The following SLC39A5 variants were observed in gnomAD, a reference collection of about 807,000 sequenced individuals.
SLC39A5 encodes solute carrier family 39 member 5, also known as zinc transporter ZIP5.
A neutral mutation model predicts 46.9 loss-of-function variants in SLC39A5; 42 were observed. The observed-to-expected ratio is 0.90, with a 90% CI of 0.70 to 1.16. The LOEUF (loss-of-function observed/expected upper bound fraction) is 1.16, where lower values mean the gene tolerates loss of function less well. SLC39A5 is among the 50% of genes most tolerant of loss of function. The pLI, the probability that SLC39A5 is intolerant of heterozygous loss-of-function variation, is 0.00. For synonymous variants in SLC39A5, 311 were observed against 323.1 expected (o/e 0.96, Z 0.40); for missense variants, 677 against 686.8 (o/e 0.99, Z 0.16).
In SLC39A5 at chr12:56,237,737, C is replaced by G; in HGVS notation, c.*6C>G. 6.5e-7 allele frequency: 1 copy of G among 1,534,714 alleles called. No homozygotes were observed. The highest frequency in any genetic ancestry group is 8.8e-7 in the Non-Finnish European group (1 of 1,142,804). On this transcript the variant is annotated 3_prime_UTR_variant, in exon 13 of 13. Coordinates refer to ENST00000454355, the MANE Select transcript of SLC39A5 (RefSeq NM_173596.3). The stretch of plus-strand genomic sequence containing the variant: ...CCGTGACCACTGAGGGCTGATGGGG[C>G]CAGTGGAAAGGGGTCGGGTTGCCCT...
rs771747422 is a variant in SLC39A5 at position 56,236,545 on chromosome 12, T to C, written c.1043-37T>C. 9 of 1,614,106 alleles carry C rather than the reference T, an allele frequency of 5.6e-6. 1 individual carries two copies. The South Asian group carries it at 9.9e-5, about 18-fold the overall frequency. ...AGGTTCCAAGCTCACAGTCCTTACT[T>C]GCAGCCACCAACACTGTCCTGTGCT... On this transcript the variant is annotated intron_variant, in intron 9 of 12. Coordinates refer to ENST00000454355, the MANE Select transcript of SLC39A5 (RefSeq NM_173596.3).
At chr12:56,234,662 T>C (rs996230153) in intron 5 of SLC39A5, among the ~76,000 whole-genome samples, 162 bp from the exon 6 acceptor site, 13 of 152,100 alleles carry the variant, frequency 8.5e-5, no homozygotes, top group African/African-American at 2.2e-4. Flanking sequence ...GGTTTCACTA[T>C]GTTGGCCAGG....
chr12:56,235,246 C>T lies in SLC39A5; in HGVS notation c.724C>T (p.Leu242=). The change falls in exon 7 of 13, where the codon CTA becomes TTA. Residue 242 remains leucine, a synonymous_variant. Coordinates refer to ENST00000454355, the MANE Select transcript of SLC39A5 (RefSeq NM_173596.3). ...LLLRLLGPRL[L]RPLLGFLGAL... The stretch of plus-strand genomic sequence containing the variant: ...GCTGCGGCTCCTGGGACCTCGTCTA[C>T]TACGGCCCTTGCTGGGCTTCCTGGG... 1.3e-6 allele frequency: 2 copies of T among 1,582,478 alleles called. No homozygotes were observed. The highest frequency in any genetic ancestry group is 1.7e-4 in the Middle Eastern group (1 of 5,902).
rs1270482043 is a variant in SLC39A5 at position 56,237,681 on chromosome 12, G to C, written c.1573G>C (p.Ala525Pro). 1 of 1,602,752 alleles carries C rather than the reference G, an allele frequency of 6.2e-7. No individual in the cohort carries two copies. Among genetic ancestry groups the C allele is most frequent in the Non-Finnish European group, 8.5e-7 (1 of 1,175,236 alleles). The change falls in exon 13 of 13, where the codon GCC becomes CCC. Residue 525 changes from alanine (A) to proline (P), a missense_variant. By Grantham distance (27) the Ala-to-Pro change is conservative. Transcript: ENST00000454355. The stretch of plus-strand genomic sequence containing the variant: ...GCTGCTGGGGGGCGGCCTCATGCTT[G>C]CCATAACCCTGCTGGAGGAGCGGCT... ...GLLLGGGLML[A>P]ITLLEERLLP...
rs1870631338 is a variant in SLC39A5 at position 56,235,293 on chromosome 12, T to C, written c.771T>C (p.Leu257=). 5 of 1,544,384 alleles carry C rather than the reference T, an allele frequency of 3.2e-6. No homozygotes were observed. The East Asian group carries it at 9.0e-5, about 28-fold the overall frequency. Residue 257 remains leucine, a synonymous_variant, in exon 7 of 13, where the codon CTT becomes CTC. Coordinates refer to ENST00000454355, the MANE Select transcript of SLC39A5 (RefSeq NM_173596.3). ...GFLGALAVGT[L]CGDALLHLLP... ...TGGGGGCCCTGGCGGTGGGCACTCT[T>C]TGTGGGGATGCACTGCTACATCTGC...
At chr12:56,235,057 A>G in intron 6 of SLC39A5, 71 bp downstream of exon 6, 1 of 1,597,600 alleles carries the variant, frequency 6.3e-7, no homozygotes, top group Non-Finnish European at 8.5e-7. Flanking sequence ...AAGGAGGCTC[A>G]CTGGGGTCCT....
Position 56,235,318 on chromosome 12 carries a change from C to T in SLC39A5, c.796C>T (p.Leu266=). 6.6e-7 allele frequency: 1 copy of T among 1,521,394 alleles called. No homozygotes were observed. The highest frequency in any genetic ancestry group is 8.8e-7 in the Non-Finnish European group (1 of 1,141,602). The allele number at this position is 1,521,394 out of a possible 1,614,324, so 94.2% of individuals were successfully genotyped here. Residue 266 remains leucine, a synonymous_variant, in exon 7 of 13, where the codon CTA becomes TTA. Transcript: ENST00000454355. ...TLCGDALLHL[L]PHAQEGRHAG... Reference sequence around the variant, plus strand: ...TTGTGGGGATGCACTGCTACATCTGCTACCGCATGTATGTGAAGCCCCTTC... The same window carrying T: ...TTGTGGGGATGCACTGCTACATCTGTTACCGCATGTATGTGAAGCCCCTTC...
chr12:56,237,341 G>A lies in SLC39A5; in HGVS notation c.1479+1G>A, dbSNP rs1196142719. On this transcript the variant is annotated splice_donor_variant, in intron 12 of 12. Coordinates refer to ENST00000454355, the MANE Select transcript of SLC39A5 (RefSeq NM_173596.3). LOFTEE classifies it high-confidence loss of function. ...CCTCTATGTGGCCCTTGTGGACATG[G>A]TGAGAGATGTCGGGTAGAGCAGAGA... is the stretch of plus-strand genomic sequence containing the variant. 16 of 1,584,182 alleles carry A rather than the reference G, an allele frequency of 1.0e-5. No homozygotes were observed. The highest frequency in any genetic ancestry group is 1.3e-5 in the Non-Finnish European group (15 of 1,163,882).
intron 10 of SLC39A5, 72 bp from the exon 11 acceptor site, chr12:56,236,859 A>AC (rs1870833462): frequency 6.2e-7 from 1 of 1,600,636 alleles, no homozygotes; most frequent in Non-Finnish European, 8.5e-7. Flanking sequence ...CGGGAGGACC[A>AC]CGGAACACAG....
At chr12:56,232,650 A>T in intron 4 of SLC39A5, 39 bp from the exon 5 acceptor site, 1 of 1,548,336 alleles carries the variant, frequency 6.5e-7, no homozygotes, top group East Asian at 2.5e-5. Flanking sequence ...GTTGATAGAG[A>T]ACACAAGGGA....
Position 56,237,013 on chromosome 12 carries a change from T to G in SLC39A5, c.1288+2T>G. 6.2e-7 allele frequency: 1 copy of G among 1,613,828 alleles called. No homozygotes were observed. Among genetic ancestry groups the G allele is most frequent in the Non-Finnish European group, 8.5e-7 (1 of 1,179,904 alleles). ...GCCATGAGCTGCCCCACGAACTGGG[T>G]AGGAATGGCAGGAGCAGGGTGGGGT... On this transcript the variant is annotated splice_donor_variant, in intron 11 of 12. Transcript: ENST00000454355. LOFTEE classifies it high-confidence loss of function.
rs745695820 is a variant in SLC39A5, at chr12:56,231,353, C to T, written c.79C>T (p.Pro27Ser). 4 of 1,613,884 alleles carry T rather than the reference C, an allele frequency of 2.5e-6. No homozygotes were observed. Among genetic ancestry groups the T allele is most frequent in the Admixed American group, 1.7e-5 (1 of 59,990 alleles). The change falls in exon 4 of 13, where the codon CCC becomes TCC. Residue 27 changes from proline to serine, a missense_variant. Physicochemically the swap from Pro to Ser is moderately conservative, Grantham distance 74. Coordinates refer to ENST00000454355, the MANE Select transcript of SLC39A5 (RefSeq NM_173596.3). The part of the protein sequence containing the change: ...VVLGWVGGSV[P>S]NLGPAEQEQN... The stretch of plus-strand genomic sequence containing the variant: ...CTTGGGCTGGGTAGGGGGCTCAGTC[C>T]CCAACCTGGGCCCTGCTGAGCAGGA...
Position 56,236,721 on chromosome 12 carries a change from C to A in SLC39A5, c.1182C>A (p.His394Gln), listed in dbSNP as rs150978302. Residue 394 changes from histidine (H) to glutamine (Q), a missense_variant, in exon 10 of 13, where the codon CAC becomes CAA. Coordinates refer to ENST00000454355, the MANE Select transcript of SLC39A5 (RefSeq NM_173596.3). Reference sequence around the variant, plus strand: ...TGGTCCTCCTGGGAGATGGTCTACACAACCTCACTGATGGGCTGGCCATAG... The same window carrying A: ...TGGTCCTCCTGGGAGATGGTCTACAAAACCTCACTGATGGGCTGGCCATAG... The part of the protein sequence containing the change: ...TWMVLLGDGL[H>Q]NLTDGLAIGA... 886 of 1,607,056 alleles carry A rather than the reference C, an allele frequency of 5.5e-4. 4 individuals carry two copies. The highest frequency in any genetic ancestry group is 1.7e-3 in the South Asian group (156 of 90,218).
Position 56,232,799 on chromosome 12 carries a change from C to T in SLC39A5, c.398C>T (p.Ala133Val), listed in dbSNP as rs1870355250. ...SKAPHLPRGP[A>V]PSGLDLLHRL... is the part of the protein sequence containing the mutation. ...GCCCCTCACCTACCCCGTGGGCCAG[C>T]CCCCTCGGGCCTGGACCTCCTTCAC... is the stretch of plus-strand genomic sequence containing the variant. Residue 133 changes from alanine to valine, a missense_variant, in exon 5 of 13, where the codon GCC (alanine) becomes GTC (valine). Transcript: ENST00000454355. The T allele has an allele frequency of 5.0e-6, 8 of 1,612,186 alleles. No individual in the cohort carries two copies. The highest frequency in any genetic ancestry group is 2.2e-5 in the East Asian group (1 of 44,756).
chr12:56,231,625 A>C, intron 4 of SLC39A5, 64 bp downstream of exon 4: 1 of 1,469,856 alleles, frequency 6.8e-7, no homozygotes, highest in Non-Finnish European at 9.0e-7. Flanking sequence ...GCTTGCCCCC[A>C]GTTGCCTCGT....
chr12:56,231,367 T>C lies in SLC39A5; in HGVS notation c.93T>C (p.Pro31=). The C allele has an allele frequency of 3.1e-6, 5 of 1,614,024 alleles. No homozygotes were observed. The highest frequency in any genetic ancestry group is 2.2e-5 in the South Asian group (2 of 91,082). The change falls in exon 4 of 13, where the codon CCT becomes CCC. Residue 31 remains proline (P), a synonymous_variant. Transcript: ENST00000454355. ...WVGGSVPNLG[P]AEQEQNHYLA... ...GGGGCTCAGTCCCCAACCTGGGCCCTGCTGAGCAGGAGCAGAACCATTACC... is the reference window on the plus strand; with the variant it reads ...GGGGCTCAGTCCCCAACCTGGGCCCCGCTGAGCAGGAGCAGAACCATTACC...
rs368192624 is a variant in SLC39A5, at chr12:56,234,946, C to T, written c.594C>T (p.Ile198=). ...ATCAGATCGACAGCCGCGTCTGCAT[C>T]GGCGCTCCGGCCCCTGCACCCCCAG... ...LLYQIDSRVC[I]GAPAPAPPGD... is the part of the protein sequence containing the mutation. The change falls in exon 6 of 13, where the codon ATC becomes ATT. Residue 198 remains isoleucine (I), a synonymous_variant. Transcript: ENST00000454355. The T allele has an allele frequency of 4.5e-5, 73 of 1,613,498 alleles. No individual in the cohort carries two copies. Among genetic ancestry groups the T allele is most frequent in the East Asian group, 2.5e-4 (11 of 44,888 alleles).
intron 12 of SLC39A5, 88 bp from the exon 13 acceptor site, chr12:56,237,500 G>A: frequency 2.5e-6 from 4 of 1,590,588 alleles, no homozygotes; most frequent in Non-Finnish European, 3.4e-6. Context: ...TGTTTGGGTG[G>A]GGGCTGCTGA....
intron 5 of SLC39A5, among the ~76,000 whole-genome samples, chr12:56,234,586 A>C (rs1237458816): frequency 6.6e-6 from 1 of 151,882 alleles, no homozygotes; most frequent in East Asian, 1.9e-4. Flanking sequence ...AAGTGCTGGG[A>C]TTACAGGCGT....
Sources: allele counts gnomAD v4.1 joint callset (sites outside exome capture counted in the v4.1 genomes callset), GRCh38; gene constraint gnomAD v4.1.1; transcripts MANE v1.5; gene names NCBI Gene and HGNC (gene_info 2026-07-23, HGNC 2026-07-21).